SLC1A1: variants seen among roughly 807,000 people sequenced by gnomAD.
SLC1A1 encodes the protein excitatory amino acid transporter 3.
Under a neutral mutation model 53.3 loss-of-function variants are expected in SLC1A1, and 43 were observed. The ratio of observed to expected loss-of-function variants is 0.81; its 90% CI spans 0.63 to 1.04. SLC1A1 has a LOEUF of 1.04. Ranked by LOEUF, SLC1A1 falls within the 50% of genes least tolerant of loss-of-function variation. The pLI is 0.00. For synonymous variants in SLC1A1, 307 were observed against 243.2 expected (o/e 1.26, Z -2.44); for missense variants, 748 against 664.9 (o/e 1.12, Z -1.37).
chr9:4,573,920 G>C lies in SLC1A1; in HGVS notation c.781G>C (p.Gly261Arg). ...CTTCCTTTCCAGTTATATGCCACTA[G>C]GTATTTTGTTCCTGATTGCTGGGAA... Reference protein sequence around the residue: ...VQIIMCYMPLGILFLIAGKII... With the variant: ...VQIIMCYMPLRILFLIAGKII... The change falls in exon 8 of 12, where the codon GGT (glycine) becomes CGT (arginine). Residue 261 changes from glycine (G) to arginine (R), a missense_variant. Physicochemically the swap from Gly to Arg is moderately radical, Grantham distance 125 (BLOSUM62 -2). Transcript: ENST00000262352. 6.2e-7 allele frequency: 1 copy of C among 1,610,092 alleles called. No individual in the cohort carries two copies. The highest frequency in any genetic ancestry group is 1.1e-5 in the South Asian group (1 of 91,012).
chr9:4,551,963 T>C (rs1437393229), intron 2 of SLC1A1, among the ~76,000 whole-genome samples: 1 of 152,220 alleles, frequency 6.6e-6, no homozygotes, highest in African/African-American at 2.4e-5. Flanking sequence ...CATTTGCAAG[T>C]AATAAAATGA....
At chr9:4,528,105 C>T (rs376430606) in intron 1 of SLC1A1, among the ~76,000 whole-genome samples, 6 of 152,140 alleles carry the variant, frequency 3.9e-5, no homozygotes, top group African/African-American at 1.4e-4. Context: ...GGAGCATGGA[C>T]ACTTTGATGC....
At chr9:4,567,578 G>T (rs1819608120) in intron 5 of SLC1A1, 91 bp from the exon 6 acceptor site, 1 of 813,322 alleles carries the variant, frequency 1.2e-6, no homozygotes, top group African/African-American at 1.7e-5. Context: ...GCACTGTTTG[G>T]CCAAAATAAC....
chr9:4,517,071 C>T (rs114395156), intron 1 of SLC1A1, among the ~76,000 whole-genome samples: 6 of 152,154 alleles, frequency 3.9e-5, no homozygotes, highest in African/African-American at 1.4e-4. Context: ...CTGTAAATAA[C>T]AGGCTTTTTA....
chr9:4,578,784 A>G (rs542538312), intron 10 of SLC1A1, among the ~76,000 whole-genome samples: 1 of 152,360 alleles, frequency 6.6e-6, no homozygotes, highest in Non-Finnish European at 1.5e-5. Flanking sequence ...TGAATTGGAT[A>G]GCACAGACAC....
rs747201802 is a variant in SLC1A1 at position 4,544,604 on chromosome 9, C to T, written c.129C>T (p.Asn43=). The part of the protein sequence containing the change: ...TTGVLVREHS[N]LSTLEKFYFA... Reference sequence around the variant, plus strand: ...GAGTCTTGGTTCGAGAACACAGCAACCTCTCAACTCTAGAGAAATTCTACT... The same window carrying T: ...GAGTCTTGGTTCGAGAACACAGCAATCTCTCAACTCTAGAGAAATTCTACT... The change falls in exon 2 of 12, where the codon AAC becomes AAT. Residue 43 remains asparagine (N), a synonymous_variant. Coordinates refer to ENST00000262352, the MANE Select transcript of SLC1A1 (RefSeq NM_004170.6). 1.9e-6 allele frequency: 3 copies of T among 1,613,622 alleles called. No homozygotes were observed. The highest frequency in any genetic ancestry group is 2.5e-6 in the Non-Finnish European group (3 of 1,179,550).
intron 1 of SLC1A1, among the ~76,000 whole-genome samples, chr9:4,491,408 G>A (rs916611689): frequency 3.3e-5 from 5 of 152,216 alleles, no homozygotes; most frequent in Non-Finnish European, 2.9e-5. Flanking sequence ...GTGGCCCGCG[G>A]GAGGTCACCG....
In SLC1A1 at chr9:4,567,653, T is replaced by C. The variant is rs1415905962; in HGVS notation, c.484-16T>C. On this transcript the variant is annotated splice_polypyrimidine_tract_variant and intron_variant, in intron 5 of 11. Coordinates refer to ENST00000262352, the MANE Select transcript of SLC1A1 (RefSeq NM_004170.6). ...CTTTTTTTGTTTGCTTGTCCTTGAT[T>C]TTCTCCAACATGCAGTACAAAACTA... 6.4e-7 allele frequency: 1 copy of C among 1,560,166 alleles called. No individual in the cohort carries two copies. Among genetic ancestry groups the C allele is most frequent in the Admixed American group, 1.7e-5 (1 of 59,768 alleles).
At chr9:4,521,894 G>T (rs1816087024) in intron 1 of SLC1A1, among the ~76,000 whole-genome samples, 1 of 152,118 alleles carries the variant, frequency 6.6e-6, no homozygotes, top group Admixed American at 6.5e-5. Flanking sequence ...CCATACCTTA[G>T]TGTCCAGTTG....
intron 2 of SLC1A1, among the ~76,000 whole-genome samples, chr9:4,559,451 T>C (rs953249946): frequency 4.8e-5 from 7 of 146,460 alleles, no homozygotes; most frequent in Non-Finnish European, 6.1e-5. Context: ...AAATGACTTG[T>C]TCTGTCATCA....
intron 10 of SLC1A1, 87 bp downstream of exon 10, chr9:4,576,850 C>G (rs1586848965): frequency 8.2e-7 from 1 of 1,216,556 alleles, no homozygotes. Flanking sequence ...CCAAGAATGT[C>G]GCAGTGATGA....
At chr9:4,532,866 C>T (rs539308804) in intron 1 of SLC1A1, among the ~76,000 whole-genome samples, 16 of 152,220 alleles carry the variant, frequency 1.1e-4, no homozygotes, top group Middle Eastern at 3.4e-3. Flanking sequence ...GCTGATCTCT[C>T]GGCAGAAACT....
At chr9:4,547,162 C>T (rs1230874251) in intron 2 of SLC1A1, among the ~76,000 whole-genome samples, 1 of 152,150 alleles carries the variant, frequency 6.6e-6, no homozygotes, top group Non-Finnish European at 1.5e-5. Context: ...GGAAGTATAG[C>T]CTTTGGCCAG....
intron 1 of SLC1A1, among the ~76,000 whole-genome samples, chr9:4,531,377 C>T (rs10815007): frequency 0.31 from 47,679 of 152,090 alleles, 9,088 homozygotes; most frequent in Admixed American, 0.42. Flanking sequence ...ACTTTTCCAA[C>T]GGTCTTAGCA....
At chr9:4,499,894 G>C (rs1202152616) in intron 1 of SLC1A1, among the ~76,000 whole-genome samples, 1 of 152,208 alleles carries the variant, frequency 6.6e-6, no homozygotes, top group Non-Finnish European at 1.5e-5. Flanking sequence ...ATTTTTGTGT[G>C]CAAATTCAGG....
intron 10 of SLC1A1, among the ~76,000 whole-genome samples, chr9:4,580,496 G>A (rs757320178): frequency 6.6e-6 from 1 of 151,822 alleles, no homozygotes; most frequent in African/African-American, 2.4e-5. Flanking sequence ...CAAGAAGATC[G>A]CTTGAGCCCA....
At chr9:4,560,750 A>G (rs952389196) in intron 2 of SLC1A1, among the ~76,000 whole-genome samples, 2 of 151,334 alleles carry the variant, frequency 1.3e-5, no homozygotes, top group Non-Finnish European at 2.9e-5. Flanking sequence ...TAATCCCAGC[A>G]CTTTGGGAGG....
At chr9:4,492,941 G>A (rs946922539) in intron 1 of SLC1A1, among the ~76,000 whole-genome samples, 6 of 152,112 alleles carry the variant, frequency 3.9e-5, no homozygotes, top group East Asian at 1.9e-4. Context: ...CACACCACTC[G>A]TCAGCATGCG....
Position 4,576,670 on chromosome 9 carries a change from T to C in SLC1A1, c.1100T>C (p.Met367Thr), listed in dbSNP as rs770034584. The change falls in exon 10 of 12, where the codon ATG (methionine) becomes ACG (threonine). Residue 367 changes from methionine (M) to threonine (T), a missense_variant. Transcript: ENST00000262352. ...TTACCCGTTGGTGCAACAATCAACA[T>C]GGATGGGACTGCGCTCTATGAAGCA... ...FVLPVGATIN[M>T]DGTALYEAVA... 8.7e-6 allele frequency: 14 copies of C among 1,614,060 alleles called. No homozygotes were observed. Among genetic ancestry groups the C allele is most frequent in the African/African-American group, 2.7e-5 (2 of 74,952 alleles).
Sources: allele counts gnomAD v4.1 joint callset (sites outside exome capture counted in the v4.1 genomes callset), GRCh38; gene constraint gnomAD v4.1.1; transcripts MANE v1.5; gene names NCBI Gene and HGNC (gene_info 2026-07-23, HGNC 2026-07-21).